EYS: variants seen among roughly 807,000 people sequenced by gnomAD.
The protein encoded by EYS is EGF-like photoreceptor maintenance factor.
Under a neutral mutation model 282.1 loss-of-function variants are expected in EYS, and 250 were observed. The ratio of observed to expected loss-of-function variants is 0.89; its 90% CI spans 0.80 to 0.98. The LOEUF (loss-of-function observed/expected upper bound fraction) is 0.98. EYS is among the 50% of genes least tolerant of loss of function. The probability of loss-of-function intolerance (pLI) is 0.00; values close to 1 mark genes in which losing one functional copy is unlikely to be tolerated. For synonymous variants in EYS, 1,355 were observed against 1,282.9 expected (o/e 1.06, Z -1.20); for missense variants, 4,016 against 3,709.0 (o/e 1.08, Z -2.15).
intron 30 of EYS, among the ~76,000 whole-genome samples, chr6:64,245,294 GTTTT>G (rs1766976298): frequency 6.6e-6 from 1 of 151,088 alleles, no homozygotes; most frequent in South Asian, 2.1e-4. Flanking sequence ...TGTTTTGTTT[GTTTT>G]GTTTTTGTTT....
chr6:64,816,530 G>A (rs989039629), intron 21 of EYS, among the ~76,000 whole-genome samples: 2 of 152,080 alleles, frequency 1.3e-5, no homozygotes, highest in African/African-American at 2.4e-5. Context: ...TTTTGCATGA[G>A]TCGTGATAGG....
intron 22 of EYS, among the ~76,000 whole-genome samples, chr6:64,748,335 T>C (rs1200582265): frequency 1.3e-5 from 2 of 152,196 alleles, no homozygotes; most frequent in African/African-American, 4.8e-5. Flanking sequence ...ACCAGCTTCA[T>C]GGAATACAAT....
chr6:64,103,927 G>T (rs891562318), intron 31 of EYS, among the ~76,000 whole-genome samples: 1 of 152,148 alleles, frequency 6.6e-6, no homozygotes, highest in Non-Finnish European at 1.5e-5. Flanking sequence ...GTGGGTTAAG[G>T]TGAAGTGAGA....
intron 41 of EYS, among the ~76,000 whole-genome samples, chr6:63,760,743 C>T (rs556700653): frequency 1.3e-5 from 2 of 151,498 alleles, no homozygotes; most frequent in East Asian, 1.9e-4. Flanking sequence ...TTCATCTGCC[C>T]TCTATATAAT....
intron 26 of EYS, among the ~76,000 whole-genome samples, chr6:64,536,552 T>C (rs535041766): frequency 3.9e-5 from 6 of 152,302 alleles, no homozygotes; most frequent in East Asian, 1.9e-4. Flanking sequence ...AATATATGCA[T>C]TGATTTTTCA....
chr6:65,440,235 T>C (rs1194925694), intron 5 of EYS, among the ~76,000 whole-genome samples: 2 of 152,040 alleles, frequency 1.3e-5, no homozygotes, highest in African/African-American at 2.4e-5. Context: ...ACGTAAACAA[T>C]GCTCACTGGA....
intron 1 of EYS, among the ~76,000 whole-genome samples, chr6:65,659,300 C>T (rs1767928695): frequency 6.6e-6 from 1 of 151,566 alleles, no homozygotes; most frequent in South Asian, 2.1e-4. Flanking sequence ...TTTTATGGTG[C>T]AGGAGTACTA....
At chr6:64,094,337 C>T (rs1013537180) in intron 31 of EYS, among the ~76,000 whole-genome samples, 7 of 152,076 alleles carry the variant, frequency 4.6e-5, no homozygotes, top group African/African-American at 1.7e-4. Flanking sequence ...GTGGTACCAG[C>T]TCCTCCTTGT....
chr6:64,348,469 G>A (rs1475791934), intron 29 of EYS, among the ~76,000 whole-genome samples: 2 of 101,712 alleles, frequency 2.0e-5, no homozygotes, highest in African/African-American at 7.3e-5. Flanking sequence ...TCAGATATGT[G>A]TTGAGGAACT....
intron 29 of EYS, among the ~76,000 whole-genome samples, chr6:64,371,364 T>C (rs1453056599): frequency 1.3e-5 from 2 of 151,054 alleles, no homozygotes; most frequent in Non-Finnish European, 1.5e-5. Context: ...TATTGTGCCA[T>C]ATTCTGAGAG....
chr6:64,739,792 C>T (rs1470108535), intron 22 of EYS, among the ~76,000 whole-genome samples: 4 of 152,108 alleles, frequency 2.6e-5, no homozygotes, highest in East Asian at 1.9e-4. Flanking sequence ...ATGTAATTTA[C>T]ATAAATGTTA....
At chr6:64,542,860 T>G (rs1012479420) in intron 26 of EYS, among the ~76,000 whole-genome samples, 1 of 152,092 alleles carries the variant, frequency 6.6e-6, no homozygotes, top group Admixed American at 6.5e-5. Context: ...CTGTCACATT[T>G]TAGAAGAGGT....
chr6:65,546,415 A>G (rs1200591561), intron 2 of EYS, among the ~76,000 whole-genome samples: 1 of 152,070 alleles, frequency 6.6e-6, no homozygotes, highest in Non-Finnish European at 1.5e-5. Flanking sequence ...CTCTGTAAAT[A>G]TAAAATAAAC....
chr6:63,747,827 T>G (rs1331455851), intron 41 of EYS, among the ~76,000 whole-genome samples: 1 of 152,214 alleles, frequency 6.6e-6, no homozygotes, highest in Admixed American at 6.5e-5. Context: ...CCCTTTATTT[T>G]GAGCCTATGT....
intron 33 of EYS, among the ~76,000 whole-genome samples, chr6:64,015,608 C>G (rs984846814): frequency 6.6e-6 from 1 of 152,134 alleles, no homozygotes; most frequent in South Asian, 2.1e-4. Flanking sequence ...ATTGATTCAA[C>G]AGACAAATGA....
intron 5 of EYS, among the ~76,000 whole-genome samples, chr6:65,483,801 C>A (rs1254020458): frequency 6.6e-6 from 1 of 152,138 alleles, no homozygotes; most frequent in African/African-American, 2.4e-5. Context: ...GGAAGCCTCA[C>A]AATCCTGGTG....
chr6:63,943,330 G>A (rs1462919842), intron 35 of EYS, among the ~76,000 whole-genome samples: 5 of 152,168 alleles, frequency 3.3e-5, no homozygotes, highest in African/African-American at 9.7e-5. Context: ...CATACATTTG[G>A]TACTTGATTA....
At chr6:63,886,345 A>T (rs1010997943) in intron 35 of EYS, among the ~76,000 whole-genome samples, 4 of 152,226 alleles carry the variant, frequency 2.6e-5, no homozygotes, top group Non-Finnish European at 5.9e-5. Context: ...GCCTATGGTC[A>T]GTTTTCTAGG....
Position 64,176,979 on chromosome 6 carries a change from A to T in EYS, c.6424+53613T>A, listed in dbSNP as rs550746913. ...TTAAAAGATGTAATATTATTTTGAA[A>T]ATTCTCCCTCCTTTATTATTTGTTG... On this transcript the variant is annotated intron_variant, in intron 31 of 42. Transcript: ENST00000503581. Among the ~76,000 whole-genome samples, 203 of 150,966 alleles carry T rather than the reference A, an allele frequency of 1.3e-3. 1 individual carries two copies. The highest frequency in any genetic ancestry group is 4.4e-3 in the African/African-American group (182 of 41,190).
Sources: gnomAD v4.1 joint callset for allele counts (sites outside exome capture counted in the v4.1 genomes callset) on GRCh38, gnomAD v4.1.1 for gene constraint, MANE v1.5 for transcripts, NCBI Gene and HGNC (gene_info 2026-07-23, HGNC 2026-07-21) for gene names.